The following CPQ variants were observed in gnomAD, a reference collection of about 807,000 sequenced individuals.
The protein encoded by CPQ is carboxypeptidase Q.
In CPQ, 37 loss-of-function variants were observed where a neutral mutation model predicts 45.7. The ratio of observed to expected loss-of-function variants is 0.81; its 90% CI spans 0.62 to 1.07. CPQ has a LOEUF of 1.07. Ranked by LOEUF, CPQ falls within the 50% of genes least tolerant of loss-of-function variation. The pLI is 0.00. For synonymous variants in CPQ, 186 were observed against 205.8 expected, an observed-to-expected ratio of 0.90 and a Z score of 0.82; for missense variants, 537 against 572.9, an observed-to-expected ratio of 0.94 and a Z score of 0.64.
chr8:97,119,440 CTGT>C (rs1811659220), intron 7 of CPQ, among the ~76,000 whole-genome samples: 1 of 120,622 alleles, frequency 8.3e-6, no homozygotes, highest in Non-Finnish European at 1.7e-5. Flanking sequence ...GTTTCTTACA[CTGT>C]AAAAAAAAAA....
intron 6 of CPQ, among the ~76,000 whole-genome samples, chr8:97,046,778 GT>G: frequency 6.6e-6 from 1 of 152,108 alleles, no homozygotes; most frequent in African/African-American, 2.4e-5. Context: ...AGCTGGCAGT[GT>G]TTTTTCCCCT....
At chr8:96,672,277 C>T (rs573424390) in intron 1 of CPQ, among the ~76,000 whole-genome samples, 1 of 152,148 alleles carries the variant, frequency 6.6e-6, no homozygotes, top group Non-Finnish European at 1.5e-5. Context: ...GTATAGTACA[C>T]AGTCAGCCTT....
At chr8:96,660,636 G>GGTGTGTGTGTGT (rs71267273) in intron 1 of CPQ, among the ~76,000 whole-genome samples, 2 of 149,148 alleles carry the variant, frequency 1.3e-5, no homozygotes, top group African/African-American at 4.9e-5. Context: ...GAATACATTT[G>GGTGTGTGTGTGT]GTGTGTGTGT....
chr8:97,103,023 T>C (rs1811341205), intron 7 of CPQ, among the ~76,000 whole-genome samples: 1 of 152,142 alleles, frequency 6.6e-6, no homozygotes, highest in Non-Finnish European at 1.5e-5. Flanking sequence ...CTTCAAAGTA[T>C]ATCACTCCAA....
intron 4 of CPQ, among the ~76,000 whole-genome samples, chr8:96,886,541 A>G (rs755351439): frequency 3.3e-5 from 5 of 152,244 alleles, no homozygotes; most frequent in Non-Finnish European, 5.9e-5. Context: ...AAATAGTCTT[A>G]GAGGCAGAGA....
chr8:96,723,427 T>C (rs1809793752), intron 1 of CPQ, among the ~76,000 whole-genome samples: 1 of 152,184 alleles, frequency 6.6e-6, no homozygotes, highest in South Asian at 2.1e-4. Context: ...TGGTGGTTTT[T>C]CACTACTCCC....
Position 97,134,240 on chromosome 8 carries a change from A to G in CPQ, c.1256-8780A>G, listed in dbSNP as rs892041775. Among the ~76,000 whole-genome samples, 3 of 152,368 alleles carry G rather than the reference A, an allele frequency of 2.0e-5. No homozygotes were observed. In the East Asian group the frequency reaches 5.8e-4, roughly 29 times the overall value. ...TGCCAGGCATTGAGGATTGGGGTGA[A>G]AAAGCCCCTGCTCTTAAGGAGCTTA... On this transcript the variant is annotated intron_variant, in intron 7 of 7. Transcript: ENST00000220763.
In CPQ at chr8:96,676,181, T is replaced by C. The variant is rs998419711; in HGVS notation, c.-35+30779T>C. On this transcript the variant is annotated intron_variant, in intron 1 of 7. Coordinates refer to ENST00000220763, the MANE Select transcript of CPQ (RefSeq NM_016134.4). The stretch of plus-strand genomic sequence containing the variant: ...GAAATAATAAATTATTATTACTATG[T>C]CACCTTACTATGCTGTCCAACACTA... Among the ~76,000 whole-genome samples the C allele has an allele frequency of 4.9e-4, 74 of 152,008 alleles. 1 individual carries two copies. The highest frequency in any genetic ancestry group is 7.4e-5 in the Non-Finnish European group (5 of 67,924).
intron 4 of CPQ, among the ~76,000 whole-genome samples, chr8:96,912,143 T>C (rs1812672831): frequency 6.6e-6 from 1 of 152,210 alleles, no homozygotes; most frequent in Admixed American, 6.5e-5. Flanking sequence ...TTTCTCTTAT[T>C]AGGAAGCTTT....
At chr8:96,744,230 C>T (rs1010468317) in intron 1 of CPQ, among the ~76,000 whole-genome samples, 2 of 152,206 alleles carry the variant, frequency 1.3e-5, no homozygotes, top group African/African-American at 4.8e-5. Context: ...GTGGGAGTGA[C>T]CCGATTTTCC....
intron 5 of CPQ, among the ~76,000 whole-genome samples, chr8:97,007,339 C>A (rs1018145648): frequency 6.6e-6 from 1 of 152,194 alleles, no homozygotes; most frequent in African/African-American, 2.4e-5. Context: ...TCCCACGATG[C>A]CCCTAGGAGC....
At chr8:96,830,661 A>G (rs1811443981) in intron 2 of CPQ, among the ~76,000 whole-genome samples, 1 of 152,136 alleles carries the variant, frequency 6.6e-6, no homozygotes, top group African/African-American at 2.4e-5. Flanking sequence ...TCATTACTCT[A>G]ACCGAGTCTG....
At chr8:97,014,380 G>A (rs896398537) in intron 5 of CPQ, among the ~76,000 whole-genome samples, 1 of 152,154 alleles carries the variant, frequency 6.6e-6, no homozygotes, top group Admixed American at 6.5e-5. Context: ...GTCAGGCGCA[G>A]TGGCTCACAC....
At chr8:96,718,895 G>C (rs1382545126) in intron 1 of CPQ, among the ~76,000 whole-genome samples, 1 of 152,132 alleles carries the variant, frequency 6.6e-6, no homozygotes, top group South Asian at 2.1e-4. Flanking sequence ...AGCTAGACAC[G>C]GGTGCTGATT....
chr8:96,884,939 G>T (rs1812280740), intron 4 of CPQ, among the ~76,000 whole-genome samples: 1 of 152,162 alleles, frequency 6.6e-6, no homozygotes, highest in African/African-American at 2.4e-5. Context: ...AAAAGGAGAA[G>T]GTCTGTTGAA....
At chr8:97,034,650 C>T (rs753775624) in intron 6 of CPQ, among the ~76,000 whole-genome samples, 6 of 152,164 alleles carry the variant, frequency 3.9e-5, no homozygotes, top group Non-Finnish European at 5.9e-5. Flanking sequence ...TCCCCCAGAT[C>T]AAGGTATATA....
intron 5 of CPQ, among the ~76,000 whole-genome samples, chr8:96,998,128 C>T (rs550662274): frequency 1.1e-4 from 16 of 151,966 alleles, no homozygotes; most frequent in East Asian, 7.7e-4. Context: ...CATCATCATA[C>T]GGTGGCATGA....
chr8:96,921,807 CT>C (rs1296382273), intron 4 of CPQ, among the ~76,000 whole-genome samples: 1 of 152,032 alleles, frequency 6.6e-6, no homozygotes, highest in African/African-American at 2.4e-5. Flanking sequence ...AGTAAGCAAC[CT>C]GATATTACTG....
chr8:96,951,853 G>GT (rs34580107), intron 4 of CPQ, among the ~76,000 whole-genome samples: 51,192 of 149,172 alleles, frequency 0.34, 8,608 homozygotes, highest in South Asian at 0.42. Flanking sequence ...AGAGAGAATT[G>GT]TTTTTTTTTT....
Sources: allele counts gnomAD v4.1 joint callset (sites outside exome capture counted in the v4.1 genomes callset), GRCh38; gene constraint gnomAD v4.1.1; transcripts MANE v1.5; gene names NCBI Gene and HGNC (gene_info 2026-07-23, HGNC 2026-07-21).